Variants in MIPOL1 observed in about 807,000 individuals in gnomAD.
MIPOL1 encodes mirror-image polydactyly gene 1 protein.
MIPOL1 carries 57 observed loss-of-function variants against 60.9 expected under a neutral mutation model. The observed-to-expected ratio is 0.94, with a 90% CI of 0.76 to 1.17. The LOEUF (loss-of-function observed/expected upper bound fraction) is 1.17. Ranked by LOEUF, MIPOL1 falls within the 50% of genes most tolerant of loss-of-function variation. The probability of loss-of-function intolerance (pLI) is 0.00; values close to 1 mark genes in which losing one functional copy is unlikely to be tolerated. For synonymous variants in MIPOL1, 179 were observed against 168.8 expected, an observed-to-expected ratio of 1.06 and a Z score of -0.47; for missense variants, 551 against 511.6, an observed-to-expected ratio of 1.08 and a Z score of -0.74.
Position 37,359,898 on chromosome 14 carries a change from G to A in MIPOL1, c.829-9619G>A, listed in dbSNP as rs558213009. Among the ~76,000 whole-genome samples, 33 of 152,078 alleles carry A rather than the reference G, an allele frequency of 2.2e-4. No individual in the cohort carries two copies. In the South Asian group the frequency reaches 3.1e-3, roughly 14 times the overall value. ...AGAGAGGGCATCCTTGTCTTGTGCCGGTTTTCAAAGGGAATGCTTCCAGTT... is the reference window on the plus strand; with the variant it reads ...AGAGAGGGCATCCTTGTCTTGTGCCAGTTTTCAAAGGGAATGCTTCCAGTT... On this transcript the variant is annotated intron_variant, in intron 9 of 12. Transcript: ENST00000684589.
intron 11 of MIPOL1, among the ~76,000 whole-genome samples, chr14:37,443,983 A>T (rs538344960): frequency 3.9e-5 from 6 of 152,164 alleles, no homozygotes; most frequent in Non-Finnish European, 7.4e-5. Context: ...GATAAAGAAC[A>T]TCAGGAGGAA....
chr14:37,515,431 T>G (rs1309063313), intron 12 of MIPOL1, among the ~76,000 whole-genome samples: 1 of 152,180 alleles, frequency 6.6e-6, no homozygotes, highest in African/African-American at 2.4e-5. Context: ...AATTTTAATT[T>G]TTTTAGTTGC....
At chr14:37,282,747 CAAAAAAAAA>C (rs59301708) in intron 6 of MIPOL1, among the ~76,000 whole-genome samples, 9 of 67,892 alleles carry the variant, frequency 1.3e-4, no homozygotes, top group African/African-American at 2.5e-4. Flanking sequence ...GACCCTGTCT[CAAAAAAAAA>C]AAAAAAAAAA....
intron 11 of MIPOL1, among the ~76,000 whole-genome samples, chr14:37,460,105 A>G (rs944455806): frequency 2.6e-5 from 4 of 151,318 alleles, no homozygotes; most frequent in African/African-American, 9.7e-5. Context: ...TAATAATAAT[A>G]ATAATAATAA....
intron 11 of MIPOL1, among the ~76,000 whole-genome samples, chr14:37,495,991 T>A (rs1025937455): frequency 2.5e-4 from 37 of 150,072 alleles, no homozygotes; most frequent in African/African-American, 6.4e-4. Flanking sequence ...TTTTTTCTTG[T>A]AAATTTGTTT....
At chr14:37,462,894 A>G (rs562238672) in intron 11 of MIPOL1, among the ~76,000 whole-genome samples, 10 of 152,240 alleles carry the variant, frequency 6.6e-5, no homozygotes, top group Admixed American at 2.6e-4. Context: ...AAACTTTCCC[A>G]TATTTTCCTG....
intron 1 of MIPOL1, among the ~76,000 whole-genome samples, chr14:37,211,073 A>G (rs907784531): frequency 7.9e-5 from 12 of 152,180 alleles, no homozygotes; most frequent in African/African-American, 2.7e-4. Context: ...GATTTCCTTC[A>G]CTGTCATAAT....
chr14:37,262,735 CT>C lies in MIPOL1; in HGVS notation c.20-4202del, dbSNP rs1296005573. 6.6e-5 allele frequency among the ~76,000 whole-genome samples: 10 copies of C among 152,180 alleles called. No homozygotes were observed. In the East Asian group the frequency reaches 1.9e-3, roughly 29 times the overall value. ...CCCCTAATACTTCTATCCACCCTTTCTCTTTCCTGTCTCTGAGCTCCCAGGT... is the reference window on the plus strand; with the variant it reads ...CCCCTAATACTTCTATCCACCCTTTCCTTTCCTGTCTCTGAGCTCCCAGGT... On this transcript the variant is annotated intron_variant, in intron 3 of 12. Transcript: ENST00000684589.
chr14:37,512,422 A>G (rs758760882), intron 12 of MIPOL1, among the ~76,000 whole-genome samples: 1 of 151,872 alleles, frequency 6.6e-6, no homozygotes, highest in South Asian at 2.1e-4. Context: ...ATAAAACAGG[A>G]TAGATGACTG....
chr14:37,454,256 G>C (rs2094453025), intron 11 of MIPOL1, among the ~76,000 whole-genome samples: 1 of 152,098 alleles, frequency 6.6e-6, no homozygotes, highest in Non-Finnish European at 1.5e-5. Context: ...CTGGATTACA[G>C]GCCTCAGGGT....
intron 11 of MIPOL1, among the ~76,000 whole-genome samples, chr14:37,438,238 A>G (rs2094192583): frequency 6.6e-6 from 1 of 152,218 alleles, no homozygotes; most frequent in South Asian, 2.1e-4. Context: ...CAAAGAGTAC[A>G]AATTCAAAGT....
At chr14:37,447,537 A>G (rs1291544850) in intron 11 of MIPOL1, among the ~76,000 whole-genome samples, 1 of 152,172 alleles carries the variant, frequency 6.6e-6, no homozygotes, top group African/African-American at 2.4e-5. Context: ...CTTTCCAATC[A>G]TAGCTCCCTG....
chr14:37,356,548 C>CA (rs2091850048), intron 9 of MIPOL1, among the ~76,000 whole-genome samples: 1 of 152,156 alleles, frequency 6.6e-6, no homozygotes, highest in Admixed American at 6.5e-5. Context: ...GCTGTGCTAG[C>CA]AATCAGCGAG....
At chr14:37,208,922 C>T (rs1349187972) in intron 1 of MIPOL1, among the ~76,000 whole-genome samples, 1 of 152,160 alleles carries the variant, frequency 6.6e-6, no homozygotes, top group Non-Finnish European at 1.5e-5. Flanking sequence ...TATCATTATG[C>T]AAAATCATAG....
intron 11 of MIPOL1, among the ~76,000 whole-genome samples, chr14:37,477,913 T>C (rs2094802708): frequency 6.6e-6 from 1 of 152,252 alleles, no homozygotes; most frequent in South Asian, 2.1e-4. Flanking sequence ...TCTATTGCTT[T>C]GCTTATTCTC....
At chr14:37,466,674 A>G (rs1321609754) in intron 11 of MIPOL1, among the ~76,000 whole-genome samples, 2 of 152,206 alleles carry the variant, frequency 1.3e-5, no homozygotes, top group African/African-American at 4.8e-5. Flanking sequence ...GACCTGAAAA[A>G]AAGTCAGTTA....
At chr14:37,540,514 A>G (rs1444800200) in intron 12 of MIPOL1, among the ~76,000 whole-genome samples, 1 of 152,180 alleles carries the variant, frequency 6.6e-6, no homozygotes. Context: ...CTGAGCAAGA[A>G]GTTTATTTCA....
At position 37,478,723 on chromosome 14, in the gene MIPOL1, T is replaced by C. The variant is rs536216832; in HGVS notation, c.1032-21185T>C. On this transcript the variant is annotated intron_variant, in intron 11 of 12. Transcript: ENST00000684589. The stretch of plus-strand genomic sequence containing the variant: ...CTGAAAGTGAAAGGATAGAAAAAGA[T>C]ATTCCACGTAAATGGATACCAAAAG... Among the ~76,000 whole-genome samples the C allele has an allele frequency of 2.0e-5, 3 of 152,252 alleles. No homozygotes were observed. In the East Asian group the frequency reaches 5.8e-4, roughly 29 times the overall value.
At chr14:37,282,472 G>C (rs2084192879) in intron 6 of MIPOL1, among the ~76,000 whole-genome samples, 1 of 151,886 alleles carries the variant, frequency 6.6e-6, no homozygotes, top group African/African-American at 2.4e-5. Context: ...CAGCATGGTA[G>C]CTCACACCTA....
Sources: gnomAD v4.1 joint callset for allele counts (sites outside exome capture counted in the v4.1 genomes callset) on GRCh38, gnomAD v4.1.1 for gene constraint, MANE v1.5 for transcripts, NCBI Gene and HGNC (gene_info 2026-07-23, HGNC 2026-07-21) for gene names.